Variants in VSNL1 observed in about 807,000 individuals in gnomAD.
VSNL1 encodes the protein visinin-like protein 1.
In VSNL1, 6 loss-of-function variants were observed where a neutral mutation model predicts 20.4. The ratio of observed to expected loss-of-function variants is 0.29; its 90% CI spans 0.16 to 0.58. The LOEUF is 0.58. Among genes scored for constraint, VSNL1 ranks in the 20% least tolerant of loss-of-function variants. The pLI, the probability that VSNL1 is intolerant of heterozygous loss-of-function variation, is 0.90. For synonymous variants in VSNL1, 93 were observed against 86.4 expected, an observed-to-expected ratio of 1.08 and a Z score of -0.42; for missense variants, 100 against 234.5, an observed-to-expected ratio of 0.43 and a Z score of 3.75.
chr2:17,558,972 A>G (rs777227783), intron 1 of VSNL1, among the ~76,000 whole-genome samples: 42 of 152,298 alleles, frequency 2.8e-4, no homozygotes, highest in Non-Finnish European at 3.4e-4. Context: ...GAGGTAGGCA[A>G]TCCCTGACAG....
intron 3 of VSNL1, among the ~76,000 whole-genome samples, chr2:17,650,360 C>A (rs1336618797): frequency 6.6e-6 from 1 of 152,234 alleles, no homozygotes; most frequent in African/African-American, 2.4e-5. Flanking sequence ...TCTGTCCCTG[C>A]CCCAGATTAA....
chr2:17,561,529 T>C (rs1347831958), intron 1 of VSNL1, among the ~76,000 whole-genome samples: 1 of 152,206 alleles, frequency 6.6e-6, no homozygotes, highest in East Asian at 1.9e-4. Flanking sequence ...TTTTACTCCA[T>C]CTTAAGAGCA....
At chr2:17,648,650 T>C (rs1666052996) in intron 2 of VSNL1, among the ~76,000 whole-genome samples, 1 of 152,216 alleles carries the variant, frequency 6.6e-6, no homozygotes, top group African/African-American at 2.4e-5. Context: ...GTGACTGGCC[T>C]AGGCTTATGT....
intron 1 of VSNL1, among the ~76,000 whole-genome samples, chr2:17,579,122 A>G (rs552232486): frequency 6.6e-4 from 93 of 140,366 alleles, no homozygotes; most frequent in African/African-American, 1.8e-3. Context: ...CTTTTTTTTT[A>G]TTTTTTTTTT....
chr2:17,549,362 A>G lies in VSNL1; in HGVS notation c.-6+8444A>G, dbSNP rs77437056. Among the ~76,000 whole-genome samples the G allele has an allele frequency of 7.6e-3, 1,151 of 152,354 alleles. 16 individuals carry two copies. Among genetic ancestry groups the G allele is most frequent in the African/African-American group, 0.026 (1,085 of 41,582 alleles). On this transcript the variant is annotated intron_variant, in intron 1 of 3. Coordinates refer to ENST00000295156, the MANE Select transcript of VSNL1 (RefSeq NM_003385.5). The stretch of plus-strand genomic sequence containing the variant: ...GGTACTCAAGGTAGGGCTGAGGTAG[A>G]GATGCACATACATCCAGATAGATAG...
intron 1 of VSNL1, among the ~76,000 whole-genome samples, chr2:17,580,454 C>T (rs1438287908): frequency 1.3e-5 from 2 of 152,206 alleles, no homozygotes; most frequent in Non-Finnish European, 2.9e-5. Flanking sequence ...TTCCAAGCCT[C>T]CCAAAGGCCT....
intron 2 of VSNL1, among the ~76,000 whole-genome samples, chr2:17,620,399 G>A (rs1237762511): frequency 1.3e-5 from 2 of 152,200 alleles, no homozygotes; most frequent in Non-Finnish European, 2.9e-5. Context: ...CAGGCTAGAG[G>A]CAGAAATACC....
chr2:17,631,145 A>G (rs1665619900), intron 2 of VSNL1, among the ~76,000 whole-genome samples: 1 of 152,204 alleles, frequency 6.6e-6, no homozygotes, highest in Non-Finnish European at 1.5e-5. Flanking sequence ...ACAATTGTCT[A>G]GCCATTATAT....
At chr2:17,557,242 C>T (rs991065632) in intron 1 of VSNL1, among the ~76,000 whole-genome samples, 2 of 152,116 alleles carry the variant, frequency 1.3e-5, no homozygotes, top group Non-Finnish European at 2.9e-5. Flanking sequence ...CAAATTGGAT[C>T]GATGCTCTTT....
chr2:17,625,032 TG>T (rs1247153477), intron 2 of VSNL1, among the ~76,000 whole-genome samples: 9 of 152,194 alleles, frequency 5.9e-5, no homozygotes, highest in Non-Finnish European at 1.2e-4. Context: ...AACTGAATCA[TG>T]GGGGCAGTCT....
intron 2 of VSNL1, among the ~76,000 whole-genome samples, chr2:17,595,121 C>T (rs1431181407): frequency 2.0e-5 from 3 of 152,208 alleles, no homozygotes; most frequent in Non-Finnish European, 4.4e-5. Context: ...CATGGTCCCT[C>T]CCAGCTAGAT....
At chr2:17,606,185 C>G (rs1664940195) in intron 2 of VSNL1, among the ~76,000 whole-genome samples, 1 of 152,172 alleles carries the variant, frequency 6.6e-6, no homozygotes, top group African/African-American at 2.4e-5. Flanking sequence ...TGATCCTCAT[C>G]CCCACTAATA....
chr2:17,590,211 T>C (rs1006865060), intron 1 of VSNL1, among the ~76,000 whole-genome samples: 2 of 152,206 alleles, frequency 1.3e-5, no homozygotes, highest in African/African-American at 2.4e-5. Context: ...CTATTTTTCT[T>C]AGGTGAGATT....
chr2:17,641,301 A>C (rs1282806480), intron 2 of VSNL1, among the ~76,000 whole-genome samples: 2 of 152,232 alleles, frequency 1.3e-5, no homozygotes, highest in Non-Finnish European at 2.9e-5. Flanking sequence ...GTCTCATTCT[A>C]GCTTTCCCCA....
At chr2:17,601,097 A>C (rs557988369) in intron 2 of VSNL1, among the ~76,000 whole-genome samples, 14 of 152,300 alleles carry the variant, frequency 9.2e-5, no homozygotes, top group African/African-American at 3.4e-4. Context: ...GAGAGATATC[A>C]GTGGTTATTG....
intron 2 of VSNL1, among the ~76,000 whole-genome samples, chr2:17,607,874 G>A (rs1022525157): frequency 1.6e-4 from 24 of 152,198 alleles, no homozygotes; most frequent in Admixed American, 7.2e-4. Context: ...GATTCTCAAT[G>A]AACCTTTTCA....
chr2:17,596,883 G>A (rs559332626), intron 2 of VSNL1, among the ~76,000 whole-genome samples: 7 of 152,266 alleles, frequency 4.6e-5, no homozygotes, highest in East Asian at 1.9e-4. Flanking sequence ...CTCACATAGC[G>A]GAGTCTTAAA....
rs1448275129 is a variant in VSNL1 at position 17,634,091 on chromosome 2, G to A, written c.163-15319G>A. Reference sequence around the variant, plus strand: ...GCCTTGTGGGACTGGACTAAGCAGAGTGGCTTTCATCCTGGAGTGTGGGGG... The same window carrying A: ...GCCTTGTGGGACTGGACTAAGCAGAATGGCTTTCATCCTGGAGTGTGGGGG... On this transcript the variant is annotated intron_variant, in intron 2 of 3. Transcript: ENST00000295156. The surrounding 1 kb of genome is among the most constrained non-coding windows in gnomAD (Gnocchi z 4.3). 6.6e-6 allele frequency among the ~76,000 whole-genome samples: 1 copy of A among 152,192 alleles called. No homozygotes were observed. The highest frequency in any genetic ancestry group is 1.5e-5 in the Non-Finnish European group (1 of 68,038).
chr2:17,589,661 T>C (rs1664554135), intron 1 of VSNL1, among the ~76,000 whole-genome samples: 2 of 152,266 alleles, frequency 1.3e-5, no homozygotes, highest in Non-Finnish European at 1.5e-5. Context: ...CCTGACAATA[T>C]TTCCTGTGTG....
Sources: allele counts gnomAD v4.1 joint callset (sites outside exome capture counted in the v4.1 genomes callset), GRCh38; gene constraint gnomAD v4.1.1; non-coding constraint Gnocchi (gnomAD v3.1); transcripts MANE v1.5; gene names NCBI Gene and HGNC (gene_info 2026-07-23, HGNC 2026-07-21).